Variants in HCRTR1 observed in about 807,000 individuals in gnomAD.
HCRTR1 encodes the protein hypocretin receptor 1.
HCRTR1 carries 28 observed loss-of-function variants against 40.6 expected under a neutral mutation model. That is an observed-to-expected ratio of 0.69 (90% CI 0.51 to 0.95). The LOEUF (loss-of-function observed/expected upper bound fraction) is 0.95, where lower values mean the gene tolerates loss of function less well. Among genes scored for constraint, HCRTR1 ranks in the 40% least tolerant of loss-of-function variants. The pLI is 0.00. For missense variants in HCRTR1, 482 were observed against 564.7 expected (o/e 0.85, Z 1.48); for synonymous variants, 209 against 230.0 (o/e 0.91, Z 0.83).
downstream of HCRTR1, chr1:31,633,461 G>A: frequency 1.1e-6 from 1 of 870,704 alleles, no homozygotes; most frequent in South Asian, 1.8e-5. Flanking sequence ...TACTCTGATG[G>A]AAGAGGACCT....
chr1:31,620,727 A>G, intron 4 of HCRTR1, 116 bp from the exon 5 acceptor site: 1 of 1,319,134 alleles, frequency 7.6e-7, no homozygotes, highest in Non-Finnish European at 1.1e-6. Flanking sequence ...CACAGCCAGT[A>G]AGTGGTGGAG....
chr1:31,631,096 G>A (rs1640088894), downstream of HCRTR1, among the ~76,000 whole-genome samples: 1 of 152,162 alleles, frequency 6.6e-6, no homozygotes, highest in Non-Finnish European at 1.5e-5. Context: ...TTCAACTGAG[G>A]CTCAGGGGAT....
downstream of HCRTR1, chr1:31,630,456 T>C (rs1640063151): frequency 1.3e-6 from 1 of 769,932 alleles, no homozygotes; most frequent in Non-Finnish European, 2.1e-6. Flanking sequence ...GTGGCTATGA[T>C]GCAGGACTCT....
At chr1:31,630,821 T>G, downstream of HCRTR1, 1 of 1,610,682 alleles carries the variant, frequency 6.2e-7, no homozygotes, top group Non-Finnish European at 8.5e-7. Flanking sequence ...GGGGCTCAGG[T>G]TGTAGCCCAT....
At chr1:31,621,650 G>A in intron 6 of HCRTR1, 58 bp downstream of exon 6, 1 of 1,234,228 alleles carries the variant, frequency 8.1e-7, no homozygotes, top group Non-Finnish European at 1.2e-6. Context: ...GGGGTGGGAG[G>A]GCTACTGGTC....
downstream of HCRTR1, chr1:31,633,466 G>T: frequency 1.2e-6 from 1 of 851,832 alleles, no homozygotes; most frequent in Non-Finnish European, 1.8e-6. Context: ...TGATGGAAGA[G>T]GACCTTCAGT....
downstream of HCRTR1, chr1:31,630,566 A>G (rs1640066674): frequency 6.5e-7 from 1 of 1,543,326 alleles, no homozygotes; most frequent in African/African-American, 1.4e-5. Flanking sequence ...CACTCTAAGA[A>G]GCCAGGAAAG....
rs1420300247 is a variant in HCRTR1, at chr1:31,626,947, G to C, written c.1245G>C (p.Val415=). The C allele has an allele frequency of 6.2e-7, 1 of 1,613,112 alleles. No individual in the cohort carries two copies. The highest frequency in any genetic ancestry group is 1.1e-5 in the South Asian group (1 of 91,088). Residue 415 remains valine, a synonymous_variant, in exon 9 of 9, where the codon GTG becomes GTC. Coordinates refer to ENST00000403528, the MANE Select transcript of HCRTR1 (RefSeq NM_001525.3). This position sits in a 1 kb window ranked among gnomAD's most constrained non-coding sequence, Gnocchi z 4.6. ...CCATCTCCAAAATCTCTGAGCATGT[G>C]GTGCTCACCAGCGTCACCACAGTGC... is the stretch of plus-strand genomic sequence containing the variant. ...RCSISKISEH[V]VLTSVTTVLP
chr1:31,619,289 C>A lies in HCRTR1; in HGVS notation c.97C>A (p.Arg33Ser). Residue 33 changes from arginine (R) to serine (S), a missense_variant, in exon 3 of 9, where the codon CGC becomes AGC. Coordinates refer to ENST00000403528, the MANE Select transcript of HCRTR1 (RefSeq NM_001525.3). The part of the protein sequence containing the change: ...VPPDYEDEFL[R>S]YLWRDYLYPK... The stretch of plus-strand genomic sequence containing the variant: ...TCCAGACTATGAAGATGAGTTTCTC[C>A]GCTATCTGTGGCGCGATTATCTGTA... 1 of 1,614,144 alleles carries A rather than the reference C, an allele frequency of 6.2e-7. No homozygotes were observed. Among genetic ancestry groups the A allele is most frequent in the Non-Finnish European group, 8.5e-7 (1 of 1,180,012 alleles).
At position 31,626,681 on chromosome 1, in the gene HCRTR1, C is replaced by CCCCCCCCCAAT; in HGVS notation, c.1088-109_1088-108insCCCCCCCCAAT. ...CCAGCTCTATCCCTCCCTCCCTCCC[C>CCCCCCCCCAAT]GCCCCCTCATAGGCAGCTTGGCTGG... On this transcript the variant is annotated intron_variant, in intron 8 of 8. Coordinates refer to ENST00000403528, the MANE Select transcript of HCRTR1 (RefSeq NM_001525.3). The surrounding 1 kb of genome is among the most constrained non-coding windows in gnomAD (Gnocchi z 4.6). The CCCCCCCCCAAT allele has an allele frequency of 1.6e-6, 2 of 1,222,318 alleles. No individual in the cohort carries two copies. Among genetic ancestry groups the CCCCCCCCCAAT allele is most frequent in the Non-Finnish European group, 2.2e-6 (2 of 894,098 alleles). 75.7% of individuals were successfully genotyped at this position (1,222,318 alleles called of 1,614,324 possible).
downstream of HCRTR1, chr1:31,630,852 AG>A (rs1557583254): frequency 6.3e-7 from 1 of 1,592,706 alleles, no homozygotes; most frequent in Non-Finnish European, 8.5e-7. Context: ...GCTGGAGAAG[AG>A]GGGCACACAG....
downstream of HCRTR1, chr1:31,633,266 G>T: frequency 6.2e-7 from 1 of 1,613,948 alleles, no homozygotes; most frequent in African/African-American, 1.3e-5. Context: ...TGAGTCCACC[G>T]ACTGGAACCA....
chr1:31,619,837 T>A, intron 4 of HCRTR1, 127 bp downstream of exon 4: 1 of 814,798 alleles, frequency 1.2e-6, no homozygotes, highest in Non-Finnish European at 1.9e-6. Flanking sequence ...ACCCCTGAAG[T>A]GTCATCCTCT....
Position 31,627,361 on chromosome 1 carries a change from T to C in HCRTR1, c.*381T>C. On this transcript the variant is annotated 3_prime_UTR_variant, in exon 9 of 9. Transcript: ENST00000403528. ...TCTGCTCTAAAGGTCCCAACAGGCA[T>C]TTCCATCTTGTTCCATGGCTCCCTG... is the stretch of plus-strand genomic sequence containing the variant. 7.7e-7 allele frequency: 1 copy of C among 1,300,538 alleles called. No homozygotes were observed. The allele number at this position is 1,300,538 out of a possible 1,614,324, so 80.6% of individuals were successfully genotyped here.
chr1:31,627,906 C>T (rs1415305079), downstream of HCRTR1, among the ~76,000 whole-genome samples: 4 of 152,200 alleles, frequency 2.6e-5, no homozygotes, highest in South Asian at 2.1e-4. Flanking sequence ...GGGCAGATAG[C>T]GGGTTAACAG....
At chr1:31,619,009 C>T (rs202149309) in intron 2 of HCRTR1, 42 bp from the exon 3 acceptor site, 6 of 597,498 alleles carry the variant, frequency 1.0e-5, no homozygotes, top group African/African-American at 3.7e-5. Flanking sequence ...TGTTTCCTTC[C>T]TTCTCTCTTT....
chr1:31,629,444 T>A (rs1640036743), downstream of HCRTR1, among the ~76,000 whole-genome samples: 2 of 152,192 alleles, frequency 1.3e-5, no homozygotes, highest in Admixed American at 1.3e-4. Context: ...CTGGGTATTA[T>A]GCTGATCTAA....
rs1639907257 is a variant in HCRTR1 at position 31,623,563 on chromosome 1, G to GC, written c.783dup (p.Ser262LeufsTer25). 1.2e-6 allele frequency: 2 copies of GC among 1,613,348 alleles called. No homozygotes were observed. The highest frequency in any genetic ancestry group is 1.7e-6 in the Non-Finnish European group (2 of 1,179,994). On this transcript the variant is annotated frameshift_variant, in exon 7 of 9. Transcript: ENST00000403528. LOFTEE classifies it high-confidence loss of function. ...TCAGCACTGGTGCGGAACTGGAAGC[G>GC]CCCCTCAGACCAGCTGGGGGACCTG...
At chr1:31,628,583 G>A (rs116080145), downstream of HCRTR1, among the ~76,000 whole-genome samples, 1 of 152,354 alleles carries the variant, frequency 6.6e-6, no homozygotes, top group African/African-American at 2.4e-5. Context: ...AGCCTCAGCT[G>A]AGCACAAAGG....
Sources: allele counts gnomAD v4.1 joint callset (sites outside exome capture counted in the v4.1 genomes callset), GRCh38; gene constraint gnomAD v4.1.1; non-coding constraint Gnocchi (gnomAD v3.1); transcripts MANE v1.5; gene names NCBI Gene and HGNC (gene_info 2026-07-23, HGNC 2026-07-21).